ZFAND3: variants seen among roughly 807,000 people sequenced by gnomAD.
ZFAND3 encodes the protein zinc finger AN1-type containing 3.
Under a neutral mutation model 29.6 loss-of-function variants are expected in ZFAND3, and 10 were observed. That is an observed-to-expected ratio of 0.34 (90% confidence interval 0.21 to 0.57). ZFAND3 has a LOEUF of 0.57. Among genes scored for constraint, ZFAND3 ranks in the 20% least tolerant of loss-of-function variants. The pLI is 0.86. For missense variants in ZFAND3, 230 were observed against 304.5 expected (o/e 0.76, Z 1.82); for synonymous variants, 128 against 112.6 (o/e 1.14, Z -0.87).
At chr6:38,056,063 C>T (rs551753851) in intron 2 of ZFAND3, among the ~76,000 whole-genome samples, 36 of 152,118 alleles carry the variant, frequency 2.4e-4, no homozygotes, top group Non-Finnish European at 4.1e-4. Context: ...TTTGATAATA[C>T]GTACCAAATG....
At chr6:37,951,756 TC>T (rs779148845) in intron 2 of ZFAND3, among the ~76,000 whole-genome samples, 7 of 152,190 alleles carry the variant, frequency 4.6e-5, no homozygotes, top group Admixed American at 6.5e-5. Flanking sequence ...AGAGTGGGCA[TC>T]CTTGTCTTAA....
intron 1 of ZFAND3, among the ~76,000 whole-genome samples, chr6:37,847,988 GTTT>G (rs1764213136): frequency 2.0e-5 from 3 of 152,204 alleles, no homozygotes; most frequent in African/African-American, 7.2e-5. Context: ...TTACAGAAAG[GTTT>G]GTTAATTTTT....
At chr6:38,064,862 G>A (rs1476284534) in intron 3 of ZFAND3, among the ~76,000 whole-genome samples, 1 of 152,074 alleles carries the variant, frequency 6.6e-6, no homozygotes, top group African/African-American at 2.4e-5. Flanking sequence ...AGGGAAATGA[G>A]ATTTGCCAGT....
chr6:37,962,887 C>T (rs574573662), intron 2 of ZFAND3, among the ~76,000 whole-genome samples: 7 of 152,298 alleles, frequency 4.6e-5, no homozygotes, highest in African/African-American at 1.2e-4. Context: ...CTGTGAATGT[C>T]TGCGGCTTCA....
chr6:37,993,443 C>T (rs1450077031), intron 2 of ZFAND3, among the ~76,000 whole-genome samples: 1 of 152,166 alleles, frequency 6.6e-6, no homozygotes, highest in Non-Finnish European at 1.5e-5. Context: ...TCTCCTGCCT[C>T]ACCCTCGCAA....
intron 5 of ZFAND3, among the ~76,000 whole-genome samples, chr6:38,127,416 T>C (rs546727845): frequency 6.6e-6 from 1 of 152,350 alleles, no homozygotes; most frequent in South Asian, 2.1e-4. Flanking sequence ...AGATGAAGCA[T>C]ATTCCCTGTG....
chr6:38,153,057 TC>T lies in ZFAND3; in HGVS notation c.*670del, dbSNP rs1766267491. Reference sequence around the variant, plus strand: ...CAGTAACCTCACTTTGAAAATTAGCTCCACTCAAGACTAGTCCACGAACGAG... The same window carrying T: ...CAGTAACCTCACTTTGAAAATTAGCTCACTCAAGACTAGTCCACGAACGAG... On this transcript the variant is annotated 3_prime_UTR_variant, in exon 6 of 6. Coordinates refer to ENST00000287218, the MANE Select transcript of ZFAND3 (RefSeq NM_021943.3). 12 of 985,626 alleles carry T rather than the reference TC, an allele frequency of 1.2e-5. No homozygotes were observed. Among genetic ancestry groups the T allele is most frequent in the Non-Finnish European group, 1.4e-5 (12 of 829,926 alleles). 61.1% of individuals were successfully genotyped at this position (985,626 alleles called of 1,614,324 possible). A position where few individuals can be genotyped will look rare whatever the true frequency, so the allele number is the denominator to read the frequency against.
At chr6:37,848,514 TG>T (rs1764222670) in intron 1 of ZFAND3, among the ~76,000 whole-genome samples, 2 of 152,246 alleles carry the variant, frequency 1.3e-5, no homozygotes, top group African/African-American at 4.8e-5. Context: ...TCTGCCTATG[TG>T]CACTATTTCC....
intron 1 of ZFAND3, 104 bp from the exon 2 acceptor site, chr6:37,929,855 T>C: frequency 1.8e-6 from 2 of 1,128,316 alleles, no homozygotes; most frequent in Non-Finnish European, 2.4e-6. Flanking sequence ...TTCAGTTGCC[T>C]GACCAGAAAG....
chr6:38,064,371 G>A (rs1020875789), intron 3 of ZFAND3, among the ~76,000 whole-genome samples: 1 of 152,182 alleles, frequency 6.6e-6, no homozygotes, highest in Non-Finnish European at 1.5e-5. Context: ...ACCCAATGAG[G>A]TAGATAGTGT....
chr6:37,942,079 A>G (rs2842512), intron 2 of ZFAND3, among the ~76,000 whole-genome samples: 127,168 of 151,624 alleles, frequency 0.84, 54,562 homozygotes, highest in Non-Finnish European at 0.93. Flanking sequence ...TCCAAACTGA[A>G]TGTAATGGGC....
At chr6:37,822,488 C>T (rs543596120) in intron 1 of ZFAND3, among the ~76,000 whole-genome samples, 9 of 152,248 alleles carry the variant, frequency 5.9e-5, no homozygotes, top group African/African-American at 1.9e-4. Flanking sequence ...CTGTATGGGC[C>T]ACATTCATAT....
At chr6:38,044,087 C>T (rs1431712332) in intron 2 of ZFAND3, among the ~76,000 whole-genome samples, 4 of 152,270 alleles carry the variant, frequency 2.6e-5, no homozygotes, top group Admixed American at 6.5e-5. Context: ...CTCTTGTATA[C>T]GTAATTGTGG....
intron 2 of ZFAND3, among the ~76,000 whole-genome samples, chr6:37,957,261 C>CA (rs1208207683): frequency 6.6e-6 from 1 of 152,018 alleles, no homozygotes; most frequent in Non-Finnish European, 1.5e-5. Flanking sequence ...CTAGTTGAAA[C>CA]ATTTTACCAT....
intron 1 of ZFAND3, among the ~76,000 whole-genome samples, chr6:37,822,301 G>A (rs538382582): frequency 6.6e-6 from 1 of 152,336 alleles, no homozygotes; most frequent in African/African-American, 2.4e-5. Context: ...CCTAGCAGGA[G>A]TAGTGACCAC....
At chr6:38,041,161 C>T (rs912790702) in intron 2 of ZFAND3, among the ~76,000 whole-genome samples, 3 of 152,104 alleles carry the variant, frequency 2.0e-5, no homozygotes, top group Admixed American at 6.6e-5. Flanking sequence ...ATTGAAATTA[C>T]GCATTTTAGG....
intron 1 of ZFAND3, among the ~76,000 whole-genome samples, chr6:37,919,036 C>T (rs1417227479): frequency 6.8e-6 from 1 of 147,454 alleles, no homozygotes; most frequent in Non-Finnish European, 1.5e-5. Flanking sequence ...TCACTGCAAC[C>T]TCCGACTCTC....
intron 2 of ZFAND3, among the ~76,000 whole-genome samples, chr6:37,948,700 C>T (rs191446173): frequency 2.0e-5 from 3 of 152,210 alleles, no homozygotes; most frequent in Admixed American, 6.5e-5. Context: ...TAAGTGAGAA[C>T]ATGTGGTATT....
intron 3 of ZFAND3, among the ~76,000 whole-genome samples, chr6:38,070,083 A>C (rs1764422118): frequency 6.6e-6 from 1 of 152,214 alleles, no homozygotes; most frequent in South Asian, 2.1e-4. Flanking sequence ...CTGTTTATTC[A>C]TTATGGGTTG....
Sources: gnomAD v4.1 joint callset for allele counts (sites outside exome capture counted in the v4.1 genomes callset) on GRCh38, gnomAD v4.1.1 for gene constraint, MANE v1.5 for transcripts, NCBI Gene and HGNC (gene_info 2026-07-23, HGNC 2026-07-21) for gene names.